SYTL2: variants seen among roughly 807,000 people sequenced by gnomAD.
The protein encoded by SYTL2 is synaptotagmin like 2.
A neutral mutation model predicts 198.7 loss-of-function variants in SYTL2; 165 were observed. That is an observed-to-expected ratio of 0.83 (90% CI 0.73 to 0.94). The LOEUF is 0.94. Ranked by LOEUF, SYTL2 falls within the 40% of genes least tolerant of loss-of-function variation. The pLI is 0.00. For synonymous variants in SYTL2, 966 were observed against 917.7 expected, an observed-to-expected ratio of 1.05 and a Z score of -0.95; for missense variants, 2,835 against 2,582.8, an observed-to-expected ratio of 1.10 and a Z score of -2.12.
At chr11:85,735,874 AG>A (rs1259713261) in intron 6 of SYTL2, among the ~76,000 whole-genome samples, 1 of 152,244 alleles carries the variant, frequency 6.6e-6, no homozygotes, top group Non-Finnish European at 1.5e-5. Context: ...ATATTCAGAC[AG>A]GCTAATTGAA....
chr11:85,727,070 G>A lies in SYTL2; in HGVS notation c.2288C>T (p.Ser763Phe). Residue 763 changes from serine (S) to phenylalanine (F), a missense_variant, in exon 8 of 20, where the codon TCT becomes TTT. Physicochemically the swap from Ser to Phe is radical, Grantham distance 155. This residue lies in a region of SYTL2 where 2,645 missense variants were observed against 2,381.7 expected (regional missense o/e 1.11). Coordinates refer to ENST00000359152, the MANE Select transcript of SYTL2 (RefSeq NM_206927.4). ...KSTPGVANNGSPWKKPEVQFQ... is the reference protein window; with the variant it reads ...KSTPGVANNGFPWKKPEVQFQ... ...TTGGACCTCAGGCTTCTTCCAAGGA[G>A]AGCCATTGTTGGCAACCCCAGGTGT... The A allele has an allele frequency of 6.5e-7, 1 of 1,536,120 alleles. No homozygotes were observed. Among genetic ancestry groups the A allele is most frequent in the African/African-American group, 1.4e-5 (1 of 73,120 alleles).
the SYTL2 span, among the ~76,000 whole-genome samples, chr11:85,848,849 T>C: frequency 6.6e-6 from 1 of 151,988 alleles, no homozygotes; most frequent in South Asian, 2.1e-4. Flanking sequence ...AACAAAGAGA[T>C]CATAAGAGTA....
chr11:85,711,284 A>G, intron 12 of SYTL2, 52 bp from the exon 13 acceptor site: 1 of 1,583,618 alleles, frequency 6.3e-7, no homozygotes, highest in Non-Finnish European at 8.6e-7. Context: ...ATGAGTCAAG[A>G]TCAGAATCTC....
intron 1 of SYTL2, among the ~76,000 whole-genome samples, chr11:85,787,419 T>C (rs1398625982): frequency 6.6e-6 from 1 of 152,204 alleles, no homozygotes; most frequent in East Asian, 1.9e-4. Flanking sequence ...TGGTTTTTTA[T>C]AAATAAGTAA....
At chr11:85,825,384 TC>T in the SYTL2 span, among the ~76,000 whole-genome samples, 1 of 68,790 alleles carries the variant, frequency 1.5e-5, no homozygotes, top group Non-Finnish European at 2.9e-5. Context: ...CGAGACTCCG[TC>T]TCAAAAAAAA....
the SYTL2 span, among the ~76,000 whole-genome samples, chr11:85,831,121 G>A: frequency 6.6e-6 from 1 of 152,150 alleles, no homozygotes; most frequent in African/African-American, 2.4e-5. Flanking sequence ...CTTAACAATA[G>A]CAGAAATACA....
In SYTL2 at chr11:85,705,898, AGGT is replaced by A. The variant is rs1397010034; in HGVS notation, c.6019-873_6019-871del. Among the ~76,000 whole-genome samples the A allele has an allele frequency of 2.0e-5, 3 of 152,198 alleles. No homozygotes were observed. The East Asian group carries it at 5.8e-4, about 29-fold the overall frequency. ...TAAAAACTTGGTACAAAAATTCTAC[AGGT>A]GGTTAATTCAGACCATGGATGACTG... On this transcript the variant is annotated intron_variant, in intron 15 of 19. Coordinates refer to ENST00000359152, the MANE Select transcript of SYTL2 (RefSeq NM_206927.4).
intron 1 of SYTL2, among the ~76,000 whole-genome samples, chr11:85,774,452 G>A (rs1031846131): frequency 5.3e-5 from 8 of 152,142 alleles, no homozygotes; most frequent in African/African-American, 1.9e-4. Flanking sequence ...CAGCAGTAAA[G>A]GTGGAAGAAA....
Position 85,725,318 on chromosome 11 carries a change from G to T in SYTL2, c.4040C>A (p.Pro1347His). 1.2e-6 allele frequency: 2 copies of T among 1,614,028 alleles called. No homozygotes were observed. The highest frequency in any genetic ancestry group is 1.7e-6 in the Non-Finnish European group (2 of 1,179,946). ...AGTCTCCGAAATTTCCGTTTGAGAA[G>T]GGTGTACCCTAGCCTGGGGAACAAG... ...AHLVPQARVH[P>H]SQTEISETVE... is the part of the protein sequence containing the mutation. Residue 1347 changes from proline to histidine, a missense_variant, in exon 8 of 20, where the codon CCT becomes CAT. Pro to His is a moderately conservative substitution (Grantham distance 77). Around this residue, in one of 3 missense-constraint regions of SYTL2, gnomAD observed 2,645 missense variants for 2,381.7 expected, o/e 1.11. Coordinates refer to ENST00000359152, the MANE Select transcript of SYTL2 (RefSeq NM_206927.4).
chr11:85,768,018 C>T (rs568079897), intron 1 of SYTL2, among the ~76,000 whole-genome samples: 1 of 152,280 alleles, frequency 6.6e-6, no homozygotes, highest in South Asian at 2.1e-4. Flanking sequence ...GCAAGACACC[C>T]AGGGCACATA....
chr11:85,785,954 C>T (rs997529175), intron 1 of SYTL2, among the ~76,000 whole-genome samples: 1 of 152,166 alleles, frequency 6.6e-6, no homozygotes, highest in Admixed American at 6.5e-5. Flanking sequence ...TAAAAAAGTC[C>T]TGTTCATTCC....
intron 2 of SYTL2, among the ~76,000 whole-genome samples, chr11:85,754,746 T>G (rs2091756441): frequency 6.6e-6 from 1 of 152,214 alleles, no homozygotes; most frequent in Admixed American, 6.5e-5. Flanking sequence ...ACTTGCCCAG[T>G]GAAACACAGT....
chr11:85,716,640 AC>A (rs1489300190), intron 11 of SYTL2: 1 of 151,200 alleles, frequency 6.6e-6, no homozygotes. Context: ...TTATCTTCAT[AC>A]CCCCAGTGCC....
chr11:85,809,666 T>A (rs983129557), intron 1 of SYTL2, among the ~76,000 whole-genome samples: 2 of 152,200 alleles, frequency 1.3e-5, no homozygotes, highest in African/African-American at 4.8e-5. Flanking sequence ...GTATAGTACA[T>A]CACCCCTCAT....
At chr11:85,833,011 A>AAAAGAAAGAAAGAAAG in the SYTL2 span, among the ~76,000 whole-genome samples, 2 of 48,178 alleles carry the variant, frequency 4.2e-5, no homozygotes, top group East Asian at 4.1e-4. Context: ...AAAAAGAAAG[A>AAAAGAAAGAAAGAAAG]AAAGAAAGAA....
chr11:85,851,144 T>G, the SYTL2 span, among the ~76,000 whole-genome samples: 2 of 151,852 alleles, frequency 1.3e-5, no homozygotes, highest in Non-Finnish European at 2.9e-5. Flanking sequence ...ACCTGCACCA[T>G]GTGCACATGT....
At chr11:85,824,015 A>G in the SYTL2 span, among the ~76,000 whole-genome samples, 1 of 152,226 alleles carries the variant, frequency 6.6e-6, no homozygotes, top group African/African-American at 2.4e-5. Context: ...TTTGAATTAA[A>G]GGAAACCACA....
Position 85,725,591 on chromosome 11 carries a change from C to T in SYTL2, c.3767G>A (p.Ser1256Asn). 6.2e-7 allele frequency: 1 copy of T among 1,614,112 alleles called. No homozygotes were observed. Among genetic ancestry groups the T allele is most frequent in the Non-Finnish European group, 8.5e-7 (1 of 1,179,996 alleles). ...TCTCTTATCAGCTGAAGTATTGTGA[C>T]TCTGTTCTATCCCTTTTCCAAAAAA... Reference protein sequence around the residue: ...GRFFGKGIEQSHNTSADKREI... With the variant: ...GRFFGKGIEQNHNTSADKREI... Residue 1256 changes from serine to asparagine, a missense_variant, in exon 8 of 20, where the codon AGT becomes AAT. Physicochemically the swap from Ser to Asn is conservative, Grantham distance 46. This residue lies in a region of SYTL2 where 2,645 missense variants were observed against 2,381.7 expected (regional missense o/e 1.11). Transcript: ENST00000359152.
At position 85,720,891 on chromosome 11, in the gene SYTL2, T is replaced by C; in HGVS notation, c.5395A>G (p.Lys1799Glu). 6.2e-7 allele frequency: 1 copy of C among 1,613,734 alleles called. No homozygotes were observed. Among genetic ancestry groups the C allele is most frequent in the Admixed American group, 1.7e-5 (1 of 60,030 alleles). The change falls in exon 9 of 20, where the codon AAA becomes GAA. Residue 1799 changes from lysine to glutamate, a missense_variant. Transcript: ENST00000359152. The stretch of plus-strand genomic sequence containing the variant: ...TCTGATGAAATGTCTTCTAGACTTT[T>C]GGAAGGCATTTTCCTAGCGGCACTC... ...ERSAARKMPS[K>E]SLEDISSDSS...
Sources: gnomAD v4.1 joint callset for allele counts (sites outside exome capture counted in the v4.1 genomes callset) on GRCh38, gnomAD v4.1.1 for gene constraint, gnomAD v4.1.1 regional missense constraint, MANE v1.5 for transcripts, NCBI Gene and HGNC (gene_info 2026-07-23, HGNC 2026-07-21) for gene names.